Variants in ZNF43 observed in about 807,000 individuals in gnomAD.
ZNF43 encodes zinc finger protein 39-like 1 (KOX 27).
A neutral mutation model predicts 68.4 loss-of-function variants in ZNF43; 44 were observed. The observed-to-expected ratio is 0.64, with a 90% CI of 0.51 to 0.83. The LOEUF is 0.83. ZNF43 is among the 40% of genes least tolerant of loss of function. The probability of loss-of-function intolerance (pLI) is 0.00; values close to 1 mark genes in which losing one functional copy is unlikely to be tolerated. For missense variants in ZNF43, 896 were observed against 933.2 expected (o/e 0.96, Z 0.52); for synonymous variants, 308 against 307.8 (o/e 1.00, Z -0.01).
At chr19:21,816,263 A>G (rs529722491) in intron 3 of ZNF43, among the ~76,000 whole-genome samples, 1 of 152,230 alleles carries the variant, frequency 6.6e-6, no homozygotes, top group Admixed American at 6.5e-5. Context: ...TACACGGTAC[A>G]TTGAGGTAGG....
rs962614587 is a variant in ZNF43 at position 21,809,608 on chromosome 19, G to C, written c.429C>G (p.Ser143Arg). ...CACATTTATCAAATAGAAATATTTT[G>C]CTCTGGGTAGCTGGCAAACATTGGT... ...GFNQCLPATQ[S>R]KIFLFDKCVK... The change falls in exon 4 of 4, where the codon AGC becomes AGG. Residue 143 changes from serine (S) to arginine (R), a missense_variant. Transcript: ENST00000354959. 12 of 1,611,628 alleles carry C rather than the reference G, an allele frequency of 7.4e-6. No homozygotes were observed. The highest frequency in any genetic ancestry group is 9.3e-6 in the Non-Finnish European group (11 of 1,179,036).
chr19:21,819,426 G>T lies in ZNF43; in HGVS notation c.4-205C>A, dbSNP rs139449388. On this transcript the variant is annotated intron_variant, in intron 1 of 3. Transcript: ENST00000354959. Reference sequence around the variant, plus strand: ...TCTACCCCTGAGAAAAGAAAGTGATGTAAGATCCACAACATCAGTGTATAT... The same window carrying T: ...TCTACCCCTGAGAAAAGAAAGTGATTTAAGATCCACAACATCAGTGTATAT... Among the ~76,000 whole-genome samples the T allele has an allele frequency of 3.8e-3, 584 of 152,300 alleles. 4 individuals carry two copies. Among genetic ancestry groups the T allele is most frequent in the Non-Finnish European group, 6.7e-3 (459 of 68,030 alleles).
chr19:21,817,734 C>A (rs1599469751), intron 3 of ZNF43, among the ~76,000 whole-genome samples, 154 bp downstream of exon 3: 1 of 152,106 alleles, frequency 6.6e-6, no homozygotes, highest in Non-Finnish European at 1.5e-5. Context: ...ACAGAAGATA[C>A]CCTTGTGTGA....
chr19:21,816,781 CCCA>C (rs1166764221), intron 3 of ZNF43, among the ~76,000 whole-genome samples: 1 of 152,156 alleles, frequency 6.6e-6, no homozygotes, highest in African/African-American at 2.4e-5. Flanking sequence ...TGATATAAAG[CCCA>C]CCATATGCAG....
intron 1 of ZNF43, among the ~76,000 whole-genome samples, chr19:21,847,003 G>A (rs1967997125): frequency 6.6e-6 from 1 of 152,156 alleles, no homozygotes; most frequent in Non-Finnish European, 1.5e-5. Context: ...TAGGTGCTGG[G>A]CGTAGCAATA....
At chr19:21,845,721 C>T (rs1217872902) in intron 1 of ZNF43, among the ~76,000 whole-genome samples, 1 of 152,012 alleles carries the variant, frequency 6.6e-6, no homozygotes, top group African/African-American at 2.4e-5. Context: ...TGGAGAAACC[C>T]TGTCTCTACT....
intron 1 of ZNF43, among the ~76,000 whole-genome samples, chr19:21,823,421 G>A (rs1427567863): frequency 6.6e-6 from 1 of 152,134 alleles, no homozygotes; most frequent in Admixed American, 6.6e-5. Flanking sequence ...CCTAGACTGA[G>A]ACAGAGCAGA....
rs886846378 is a variant in ZNF43, at chr19:21,819,673, C to T, written c.4-452G>A. Among the ~76,000 whole-genome samples, 6 of 152,244 alleles carry T rather than the reference C, an allele frequency of 3.9e-5. No homozygotes were observed. In the South Asian group the frequency reaches 8.3e-4, roughly 21 times the overall value. On this transcript the variant is annotated intron_variant, in intron 1 of 3. Coordinates refer to ENST00000354959, the MANE Select transcript of ZNF43 (RefSeq NM_003423.4). ...AAGATCTGGAATAAAGTCTGAGTTT[C>T]TAAGTTTCTAACAAGCTTACCAGTA...
intron 3 of ZNF43, among the ~76,000 whole-genome samples, chr19:21,811,352 T>C (rs568550820): frequency 9.1e-4 from 139 of 152,018 alleles, no homozygotes; most frequent in Non-Finnish European, 1.6e-3. Context: ...CTGGGCAACA[T>C]GGTGAAACCC....
intron 1 of ZNF43, among the ~76,000 whole-genome samples, chr19:21,823,537 G>T (rs1325367411): frequency 1.3e-5 from 2 of 149,316 alleles, no homozygotes; most frequent in East Asian, 4.0e-4. Flanking sequence ...AGAGCTGACT[G>T]CCCAATGATA....
rs1365917712 is a variant in ZNF43, at chr19:21,805,139, C to G, written c.*2468G>C. 6.6e-6 allele frequency: 1 copy of G among 152,016 alleles called. No individual in the cohort carries two copies. The highest frequency in any genetic ancestry group is 1.5e-5 in the Non-Finnish European group (1 of 68,026). The allele number at this position is 152,016 out of a possible 1,614,324, so 9.4% of individuals were successfully genotyped here. On this transcript the variant is annotated 3_prime_UTR_variant, in exon 4 of 4. Transcript: ENST00000354959. ...TGATGTGACTAATACATATTATATG[C>G]CTGTATCAAAACATGTTATATATTG... is the stretch of plus-strand genomic sequence containing the variant.
At chr19:21,824,277 A>G (rs2038000240) in intron 1 of ZNF43, among the ~76,000 whole-genome samples, 2 of 152,060 alleles carry the variant, frequency 1.3e-5, no homozygotes, top group African/African-American at 4.8e-5. Context: ...AAAGACAAAA[A>G]TACCCTACTC....
At chr19:21,825,515 T>TG (rs1485507313) in intron 1 of ZNF43, among the ~76,000 whole-genome samples, 1 of 151,686 alleles carries the variant, frequency 6.6e-6, no homozygotes, top group Non-Finnish European at 1.5e-5. Flanking sequence ...CAGATTAAAG[T>TG]TTTTTTTTAT....
chr19:21,835,633 G>T (rs1039925794), intron 1 of ZNF43, among the ~76,000 whole-genome samples: 2 of 152,006 alleles, frequency 1.3e-5, no homozygotes, highest in Non-Finnish European at 2.9e-5. Flanking sequence ...GGGATTAAAG[G>T]CGTGACCCAC....
chr19:21,828,736 GA>G (rs201763466), intron 1 of ZNF43, among the ~76,000 whole-genome samples: 1,564 of 121,012 alleles, frequency 0.013, 10 homozygotes, highest in African/African-American at 0.023. Context: ...TAAATTTAAG[GA>G]AAAAAAAAAA....
upstream of ZNF43, chr19:21,836,336 A>T (rs990697663): frequency 9.3e-7 from 1 of 1,073,916 alleles, no homozygotes; most frequent in African/African-American, 1.6e-5. Flanking sequence ...GGGCTGAAAG[A>T]AGAAAGAATG....
Position 21,808,370 on chromosome 19 carries a change from T to C in ZNF43, c.1667A>G (p.His556Arg), listed in dbSNP as rs777213962. The change falls in exon 4 of 4, where the codon CAT (histidine) becomes CGT (arginine). Residue 556 changes from histidine to arginine, a missense_variant. Coordinates refer to ENST00000354959, the MANE Select transcript of ZNF43 (RefSeq NM_003423.4). ...AFNHFSILTKHKRIHTGEKPY... is the reference protein window; with the variant it reads ...AFNHFSILTKRKRIHTGEKPY... ...TTTCTCTCCAGTATGAATCCTCTTA[T>C]GTTTGGTAAGGATTGAGAAATGGTT... 5.0e-6 allele frequency: 8 copies of C among 1,612,840 alleles called. No homozygotes were observed. The highest frequency in any genetic ancestry group is 5.9e-6 in the Non-Finnish European group (7 of 1,179,680).
chr19:21,823,750 G>C (rs2037968158), intron 1 of ZNF43, among the ~76,000 whole-genome samples: 1 of 151,870 alleles, frequency 6.6e-6, no homozygotes, highest in African/African-American at 2.4e-5. Context: ...TTTGTATTTA[G>C]TAGAGATGGG....
Position 21,836,025 on chromosome 19 carries a change from G to A in ZNF43, c.3+11C>T, listed in dbSNP as rs769092315. On this transcript the variant is annotated intron_variant, in intron 1 of 3. Transcript: ENST00000354959. ...CTTCCCCCTCTCGGGATGTCGGACC[G>A]GCACTCTCACCATTTCTAGGCTTCC... 17 of 1,613,824 alleles carry A rather than the reference G, an allele frequency of 1.1e-5. No individual in the cohort carries two copies. The highest frequency in any genetic ancestry group is 1.7e-5 in the Admixed American group (1 of 59,996).
Sources: gnomAD v4.1 joint callset for allele counts (sites outside exome capture counted in the v4.1 genomes callset) on GRCh38, gnomAD v4.1.1 for gene constraint, MANE v1.5 for transcripts, NCBI Gene and HGNC (gene_info 2026-07-23, HGNC 2026-07-21) for gene names.